Variants in PALS1 observed in about 807,000 individuals in gnomAD.
The protein encoded by PALS1 is protein associated with LIN7 1, MAGUK p55 family member, also known as protein PALS1.
In PALS1, 31 loss-of-function variants were observed where a neutral mutation model predicts 78.9. That is an observed-to-expected ratio of 0.39 (90% CI 0.30 to 0.53). The LOEUF (loss-of-function observed/expected upper bound fraction) is 0.53. Ranked by LOEUF, PALS1 falls within the 20% of genes least tolerant of loss-of-function variation. The probability of loss-of-function intolerance (pLI) is 0.67; values close to 1 mark genes in which losing one functional copy is unlikely to be tolerated. For missense variants in PALS1, 704 were observed against 826.5 expected, an observed-to-expected ratio of 0.85 and a Z score of 1.82; for synonymous variants, 276 against 270.9, an observed-to-expected ratio of 1.02 and a Z score of -0.18.
At chr14:67,294,098 G>A (rs569539973) in intron 4 of PALS1, among the ~76,000 whole-genome samples, 1 of 152,274 alleles carries the variant, frequency 6.6e-6, no homozygotes, top group African/African-American at 2.4e-5. Flanking sequence ...GATCAATTTT[G>A]AATATTAGTT....
intron 14 of PALS1, among the ~76,000 whole-genome samples, chr14:67,324,194 T>G (rs2085312170): frequency 6.6e-6 from 1 of 152,252 alleles, no homozygotes; most frequent in Non-Finnish European, 1.5e-5. Flanking sequence ...TGAAACTTTA[T>G]GTTCTGCTTT....
rs773464556 is a variant in PALS1, at chr14:67,316,907, A to T, written c.1297+4A>T. 6.2e-7 allele frequency: 1 copy of T among 1,607,288 alleles called. No individual in the cohort carries two copies. The highest frequency in any genetic ancestry group is 1.3e-5 in the African/African-American group (1 of 74,674). On this transcript the variant is annotated splice_donor_region_variant and intron_variant, in intron 10 of 14. Coordinates refer to ENST00000261681, the MANE Select transcript of PALS1 (RefSeq NM_022474.4). ...GATAAGGAGCCAGAAAAATCAGGTT[A>T]GACACTTGTATTTGACATAAGTAAA...
intron 3 of PALS1, 57 bp from the exon 4 acceptor site, chr14:67,292,454 C>A: frequency 2.6e-6 from 3 of 1,157,920 alleles, no homozygotes; most frequent in Non-Finnish European, 2.5e-6. Flanking sequence ...TCTGAAAATG[C>A]ATGTTGAATT....
intron 13 of PALS1, 85 bp from the exon 14 acceptor site, chr14:67,323,617 T>TAG (rs2085302649): frequency 1.2e-5 from 2 of 169,028 alleles, no homozygotes; most frequent in South Asian, 3.8e-4. Flanking sequence ...CTTAATCTAA[T>TAG]ATATATATAT....
intron 1 of PALS1, among the ~76,000 whole-genome samples, chr14:67,258,960 A>G (rs961940042): frequency 6.6e-6 from 1 of 151,370 alleles, no homozygotes; most frequent in Non-Finnish European, 1.5e-5. Flanking sequence ...TTCCTGCCTC[A>G]CCCTCCCGAG....
chr14:67,254,960 C>A (rs960639401), intron 1 of PALS1, among the ~76,000 whole-genome samples: 1 of 152,170 alleles, frequency 6.6e-6, no homozygotes, highest in Non-Finnish European at 1.5e-5. Flanking sequence ...ACCATCCTAG[C>A]CAACATGGTG....
intron 1 of PALS1, among the ~76,000 whole-genome samples, chr14:67,248,955 T>C (rs1235309674): frequency 6.6e-6 from 1 of 152,016 alleles, no homozygotes; most frequent in East Asian, 1.9e-4. Context: ...CCACCACGCC[T>C]GGCCTACATA....
chr14:67,316,401 GA>G (rs1293686867), intron 9 of PALS1, among the ~76,000 whole-genome samples: 1 of 150,820 alleles, frequency 6.6e-6, no homozygotes, highest in Non-Finnish European at 1.5e-5. Flanking sequence ...TGGTTTCTTG[GA>G]ATTGAATATG....
At chr14:67,315,835 G>A (rs887584445) in intron 9 of PALS1, among the ~76,000 whole-genome samples, 1 of 152,196 alleles carries the variant, frequency 6.6e-6, no homozygotes, top group South Asian at 2.1e-4. Context: ...TGAGGCATGC[G>A]AATCCCTTGA....
chr14:67,302,153 A>G (rs1290817405), intron 6 of PALS1, 35 bp downstream of exon 6: 6 of 1,559,544 alleles, frequency 3.8e-6, no homozygotes, highest in Non-Finnish European at 5.2e-6. Context: ...AAACAAGTGC[A>G]TTTTTCTGCT....
At chr14:67,280,607 A>G (rs922722864) in intron 3 of PALS1, among the ~76,000 whole-genome samples, 2 of 152,320 alleles carry the variant, frequency 1.3e-5, no homozygotes, top group African/African-American at 4.8e-5. Context: ...TGAATTTGCC[A>G]GATCAGGTGT....
chr14:67,266,953 T>C (rs2084337530), intron 1 of PALS1, among the ~76,000 whole-genome samples: 1 of 151,678 alleles, frequency 6.6e-6, no homozygotes, highest in Non-Finnish European at 1.5e-5. Context: ...CTACTAAAAA[T>C]ACAAAATTAG....
intron 2 of PALS1, among the ~76,000 whole-genome samples, chr14:67,274,748 C>T (rs566247256): frequency 1.3e-5 from 2 of 152,144 alleles, no homozygotes; most frequent in East Asian, 3.9e-4. Flanking sequence ...TTCTTCCCAT[C>T]CATGAGCATG....
chr14:67,297,328 C>T (rs1043661109), intron 4 of PALS1, among the ~76,000 whole-genome samples: 1 of 152,112 alleles, frequency 6.6e-6, no homozygotes, highest in Admixed American at 6.5e-5. Flanking sequence ...TATACAGATG[C>T]ACACACATAT....
At chr14:67,332,470 G>A (rs1433502253) in intron 14 of PALS1, among the ~76,000 whole-genome samples, 2 of 152,210 alleles carry the variant, frequency 1.3e-5, no homozygotes, top group Non-Finnish European at 2.9e-5. Flanking sequence ...ACAAATGTTT[G>A]TAGGGAAACA....
intron 3 of PALS1, among the ~76,000 whole-genome samples, chr14:67,281,406 A>C (rs148327613): frequency 6.6e-6 from 1 of 152,304 alleles, no homozygotes; most frequent in Non-Finnish European, 1.5e-5. Context: ...TAATACCTTT[A>C]TGTGAAAGAA....
Position 67,334,387 on chromosome 14 carries a change from C to G in PALS1, c.*1431C>G, listed in dbSNP as rs2085497685. ...TAACAAACAACCTCAAATGTGAATG[C>G]CTTGATTTTATTTTTATGGTGACTT... On this transcript the variant is annotated 3_prime_UTR_variant, in exon 15 of 15. Transcript: ENST00000261681. 1 of 152,550 alleles carries G rather than the reference C, an allele frequency of 6.6e-6. No individual in the cohort carries two copies. The highest frequency in any genetic ancestry group is 1.5e-5 in the Non-Finnish European group (1 of 68,020). 9.4% of individuals were successfully genotyped at this position (152,550 alleles called of 1,614,324 possible).
chr14:67,302,585 G>C lies in PALS1; in HGVS notation c.963+14G>C, dbSNP rs1445835194. The C allele has an allele frequency of 6.9e-7, 1 of 1,451,684 alleles. No individual in the cohort carries two copies. The highest frequency in any genetic ancestry group is 1.5e-5 in the African/African-American group (1 of 68,530). The allele number at this position is 1,451,684 out of a possible 1,614,324, so 89.9% of individuals were successfully genotyped here. ...TTTGACTTGTTGGTAAGTTGACGCA[G>C]CTAGAAGAATAATTGATAGCTTTTA... On this transcript the variant is annotated intron_variant, in intron 7 of 14. Transcript: ENST00000261681.
intron 3 of PALS1, among the ~76,000 whole-genome samples, chr14:67,282,084 A>G (rs553861857): frequency 3.0e-4 from 46 of 152,194 alleles, no homozygotes; most frequent in Non-Finnish European, 6.2e-4. Context: ...GTCAACACAG[A>G]TATCTGTTAT....
Sources: gnomAD v4.1 joint callset for allele counts (sites outside exome capture counted in the v4.1 genomes callset) on GRCh38, gnomAD v4.1.1 for gene constraint, MANE v1.5 for transcripts, NCBI Gene and HGNC (gene_info 2026-07-23, HGNC 2026-07-21) for gene names.